The following OGDH variants were observed in gnomAD, a reference collection of about 807,000 sequenced individuals.
The protein encoded by OGDH is 2-oxoglutarate dehydrogenase complex component E1.
OGDH carries 38 observed loss-of-function variants against 116.6 expected under a neutral mutation model. The observed-to-expected ratio is 0.33, with a 90% CI of 0.25 to 0.43. The LOEUF is 0.43. Ranked by LOEUF, OGDH falls within the 20% of genes least tolerant of loss-of-function variation. OGDH has a pLI of 1.00. For synonymous variants in OGDH, 488 were observed against 533.3 expected (o/e 0.92, Z 1.17); for missense variants, 825 against 1,357.2 (o/e 0.61, Z 6.16).
chr7:44,646,023 GAACTCTCCAA>G (rs1786162999), intron 3 of OGDH, among the ~76,000 whole-genome samples: 2 of 152,170 alleles, frequency 1.3e-5, no homozygotes, highest in Non-Finnish European at 2.9e-5. Flanking sequence ...AGGGGCAGGG[GAACTCTCCAA>G]AAGTATTGCA....
intron 4 of OGDH, among the ~76,000 whole-genome samples, chr7:44,650,939 G>A (rs1380363911): frequency 1.3e-5 from 2 of 152,202 alleles, no homozygotes; most frequent in South Asian, 4.1e-4. Flanking sequence ...ACCTCCCTGT[G>A]GATGCAGGCA....
chr7:44,617,911 G>T (rs543105260), intron 1 of OGDH, among the ~76,000 whole-genome samples: 16 of 152,042 alleles, frequency 1.1e-4, no homozygotes, highest in African/African-American at 3.6e-4. Context: ...ATTGATAGGC[G>T]TCAGTAGTTG....
chr7:44,647,369 T>C, intron 3 of OGDH: 1 of 987,348 alleles, frequency 1.0e-6, no homozygotes, highest in Non-Finnish European at 1.5e-6. Context: ...AAGGTTTGCA[T>C]AACCTGTGAC....
In OGDH at chr7:44,635,790, C is replaced by T. The variant is rs149374349; in HGVS notation, c.223-9537C>T. Among the ~76,000 whole-genome samples the T allele has an allele frequency of 2.7e-3, 409 of 152,036 alleles. 2 individuals carry two copies. The highest frequency in any genetic ancestry group is 9.4e-3 in the African/African-American group (389 of 41,450). The stretch of plus-strand genomic sequence containing the variant: ...CACGATCTCGGCCCACTGCAACCTC[C>T]GACTCCCTGATTCAAGCTATTCTCC... On this transcript the variant is annotated intron_variant, in intron 2 of 22. Coordinates refer to ENST00000222673, the MANE Select transcript of OGDH (RefSeq NM_002541.4).
rs1585382178 is a variant in OGDH, at chr7:44,694,062, C to A, written c.1515+58C>A. On this transcript the variant is annotated intron_variant, in intron 11 of 22. Transcript: ENST00000222673. This position sits in a 1 kb window ranked among gnomAD's most constrained non-coding sequence, Gnocchi z 4.2. ...AGAGCATCTGACCCACCCCTCTTGCCCTCGGCACCCCTGTGTCCCAAGGAG... is the reference window on the plus strand; with the variant it reads ...AGAGCATCTGACCCACCCCTCTTGCACTCGGCACCCCTGTGTCCCAAGGAG... The A allele has an allele frequency of 6.6e-7, 1 of 1,525,386 alleles. No homozygotes were observed. Among genetic ancestry groups the A allele is most frequent in the East Asian group, 2.3e-5 (1 of 43,068 alleles). The allele number at this position is 1,525,386 out of a possible 1,614,324, so 94.5% of individuals were successfully genotyped here.
Position 44,693,812 on chromosome 7 carries a change from A to C in OGDH, c.1336-13A>C. On this transcript the variant is annotated splice_polypyrimidine_tract_variant and intron_variant, in intron 10 of 22. Coordinates refer to ENST00000222673, the MANE Select transcript of OGDH (RefSeq NM_002541.4). ...GCCAGGTGCCCTCTTGCTAGGCTACATGTTCCTTGCAGATCGGCTTCACCA... is the reference window on the plus strand; with the variant it reads ...GCCAGGTGCCCTCTTGCTAGGCTACCTGTTCCTTGCAGATCGGCTTCACCA... 1.3e-6 allele frequency: 2 copies of C among 1,568,646 alleles called. No homozygotes were observed. The highest frequency in any genetic ancestry group is 1.7e-6 in the Non-Finnish European group (2 of 1,150,112).
chr7:44,694,616 G>A lies in OGDH; in HGVS notation c.1668+40G>A. The A allele has an allele frequency of 6.2e-7, 1 of 1,605,312 alleles. No individual in the cohort carries two copies. The highest frequency in any genetic ancestry group is 8.5e-7 in the Non-Finnish European group (1 of 1,172,766). On this transcript the variant is annotated intron_variant, in intron 12 of 22. Transcript: ENST00000222673. The surrounding 1 kb of genome is among the most constrained non-coding windows in gnomAD (Gnocchi z 4.2). Reference sequence around the variant, plus strand: ...CTCTATCCCAGTGCGCCTTTCCAGGGCTGGCGATGACTAGAAAAGGTGGGC... The same window carrying A: ...CTCTATCCCAGTGCGCCTTTCCAGGACTGGCGATGACTAGAAAAGGTGGGC...
In OGDH at chr7:44,660,923, TAC is replaced by T. The variant is rs544499271; in HGVS notation, c.518-5804_518-5803del. ...GGCCTGGGTGACCCTATCTGTAAAC[TAC>T]ACACACACGCGCGTGTGCACACACA... is the stretch of plus-strand genomic sequence containing the variant. On this transcript the variant is annotated intron_variant, in intron 4 of 22. Transcript: ENST00000222673. 3.0e-3 allele frequency among the ~76,000 whole-genome samples: 457 copies of T among 151,942 alleles called. 2 individuals carry two copies. Among genetic ancestry groups the T allele is most frequent in the Non-Finnish European group, 4.6e-3 (316 of 67,988 alleles).
chr7:44,692,597 G>GT (rs1788410382), intron 10 of OGDH, among the ~76,000 whole-genome samples: 1 of 152,178 alleles, frequency 6.6e-6, no homozygotes, highest in Non-Finnish European at 1.5e-5. Flanking sequence ...AGGTGAAGGC[G>GT]TTAAGGATGA....
intron 10 of OGDH, 81 bp from the exon 11 acceptor site, chr7:44,693,744 A>C (rs1788462177): frequency 7.6e-7 from 1 of 1,321,688 alleles, no homozygotes; most frequent in Non-Finnish European, 1.0e-6. Flanking sequence ...AGTGCATGCC[A>C]TGCCCGGCCT....
chr7:44,678,821 G>C (rs1787807449), intron 9 of OGDH, among the ~76,000 whole-genome samples: 2 of 152,218 alleles, frequency 1.3e-5, no homozygotes, highest in African/African-American at 4.8e-5. Context: ...AACTCAGGGA[G>C]CTGGAGTGTG....
chr7:44,678,252 G>A lies in OGDH; in HGVS notation c.1206+2103G>A, dbSNP rs552325808. 8.5e-5 allele frequency among the ~76,000 whole-genome samples: 13 copies of A among 152,276 alleles called. No individual in the cohort carries two copies. In the East Asian group the frequency reaches 2.5e-3, roughly 29 times the overall value. ...AGATCGGCATGGGGAGATCAGCATT[G>A]TGATGACCAGTGCCTCTGGTATTTG... is the stretch of plus-strand genomic sequence containing the variant. On this transcript the variant is annotated intron_variant, in intron 9 of 22. Coordinates refer to ENST00000222673, the MANE Select transcript of OGDH (RefSeq NM_002541.4).
At chr7:44,662,713 C>T (rs545776620) in intron 4 of OGDH, among the ~76,000 whole-genome samples, 24 of 152,116 alleles carry the variant, frequency 1.6e-4, no homozygotes, top group African/African-American at 4.1e-4. Context: ...TGCCCCACCT[C>T]GGCCTCCCAA....
Position 44,647,768 on chromosome 7 carries a change from C to T in OGDH, c.517+9C>T. 1 of 1,610,468 alleles carries T rather than the reference C, an allele frequency of 6.2e-7. No homozygotes were observed. On this transcript the variant is annotated intron_variant, in intron 4 of 22. Coordinates refer to ENST00000222673, the MANE Select transcript of OGDH (RefSeq NM_002541.4). ...ATCCACAGACAAACTTGGTGAGGGT[C>T]TGAGAGCAGTCAGCTGCGTTGCTTG...
At chr7:44,705,332 G>A (rs62460471) in intron 20 of OGDH, among the ~76,000 whole-genome samples, 16,167 of 151,894 alleles carry the variant, frequency 0.11, 1,047 homozygotes, top group East Asian at 0.21. Context: ...GATTACAGGC[G>A]TGAGCCACCG....
intron 2 of OGDH, among the ~76,000 whole-genome samples, chr7:44,636,399 G>A (rs895864611): frequency 4.6e-5 from 7 of 152,260 alleles, no homozygotes; most frequent in Admixed American, 6.5e-5. Context: ...TCTGCTGCCT[G>A]TAGCTGCCGA....
intron 1 of OGDH, 109 bp from the exon 2 acceptor site, chr7:44,624,207 TA>T (rs1414341567): frequency 2.3e-4 from 170 of 732,364 alleles, no homozygotes; most frequent in Non-Finnish European, 3.0e-4. Context: ...TAGTAGCTTT[TA>T]AAAAAAAATT....
chr7:44,674,383 C>A, intron 6 of OGDH, 28 bp from the exon 7 acceptor site: 8 of 1,613,644 alleles, frequency 5.0e-6, no homozygotes, highest in South Asian at 1.1e-5. Flanking sequence ...TGACATTGCC[C>A]TTCAAGGTGG....
At chr7:44,608,218 A>G (rs1784429509) in intron 1 of OGDH, among the ~76,000 whole-genome samples, 2 of 152,084 alleles carry the variant, frequency 1.3e-5, no homozygotes, top group Non-Finnish European at 1.5e-5. Flanking sequence ...CTGAGCAACC[A>G]AAGTGATACC....
Sources: allele counts gnomAD v4.1 joint callset (sites outside exome capture counted in the v4.1 genomes callset), GRCh38; gene constraint gnomAD v4.1.1; non-coding constraint Gnocchi (gnomAD v3.1); transcripts MANE v1.5; gene names NCBI Gene and HGNC (gene_info 2026-07-23, HGNC 2026-07-21).